Variants in CCDC61 observed in about 807,000 individuals in gnomAD.
The protein encoded by CCDC61 is coiled-coil domain containing 61.
Under a neutral mutation model 63.0 loss-of-function variants are expected in CCDC61, and 55 were observed. The ratio of observed to expected loss-of-function variants is 0.87; its 90% CI spans 0.70 to 1.09. The LOEUF is 1.09. CCDC61 is among the 50% of genes least tolerant of loss of function. The probability of loss-of-function intolerance (pLI) is 0.00; values close to 1 mark genes in which losing one functional copy is unlikely to be tolerated. For synonymous variants in CCDC61, 270 were observed against 317.0 expected (o/e 0.85, Z 1.58); for missense variants, 651 against 731.4 (o/e 0.89, Z 1.27).
Position 46,015,290 on chromosome 19 carries a change from A to G in CCDC61, c.762+31A>G, listed in dbSNP as rs946741836. On this transcript the variant is annotated intron_variant, in intron 6 of 13. Transcript: ENST00000595358. This position sits in a 1 kb window ranked among gnomAD's most constrained non-coding sequence, Gnocchi z 5.3. The stretch of plus-strand genomic sequence containing the variant: ...CAGCGGGGGCCCGGGGCGGCCAGCG[A>G]GGCGCGGACCTCGGCCTCAGCCTGG... 2 of 1,556,538 alleles carry G rather than the reference A, an allele frequency of 1.3e-6. No individual in the cohort carries two copies. Among genetic ancestry groups the G allele is most frequent in the African/African-American group, 1.4e-5 (1 of 72,256 alleles).
Position 46,018,487 on chromosome 19 carries a change from C to G in CCDC61, c.*100C>G. On this transcript the variant is annotated 3_prime_UTR_variant, in exon 14 of 14. Transcript: ENST00000595358. This position sits in a 1 kb window ranked among gnomAD's most constrained non-coding sequence, Gnocchi z 4.2. ...CCTCCAGCCCTGCCCAGTCCCTGCC[C>G]TGGCCCCGTCCCTCCTGCTGCCCCT... 1.1e-6 allele frequency: 1 copy of G among 905,930 alleles called. No homozygotes were observed. Among genetic ancestry groups the G allele is most frequent in the Non-Finnish European group, 1.7e-6 (1 of 586,218 alleles). 56.1% of individuals were successfully genotyped at this position (905,930 alleles called of 1,614,324 possible). A position where few individuals can be genotyped will look rare whatever the true frequency, so the allele number is the denominator to read the frequency against.
intron 12 of CCDC61, among the ~76,000 whole-genome samples, 164 bp downstream of exon 12, chr19:46,017,468 T>C (rs533322303): frequency 2.0e-5 from 3 of 151,156 alleles, no homozygotes; most frequent in African/African-American, 4.9e-5. Context: ...GGGGCAATTG[T>C]AGCTCACGGC....
chr19:46,018,063 C>G lies in CCDC61; in HGVS notation c.1369-15C>G. On this transcript the variant is annotated splice_polypyrimidine_tract_variant and intron_variant, in intron 12 of 13. Transcript: ENST00000595358. The surrounding 1 kb of genome is among the most constrained non-coding windows in gnomAD (Gnocchi z 4.2). ...GACGGTGGGTGACCCCCTTTCCTAC[C>G]TTCCCCATCACCAGAAGTCTCCCCC... 2 of 1,603,804 alleles carry G rather than the reference C, an allele frequency of 1.2e-6. No homozygotes were observed. The highest frequency in any genetic ancestry group is 1.7e-6 in the Non-Finnish European group (2 of 1,175,458).
At chr19:45,996,733 T>G (rs1395374106) in intron 1 of CCDC61, among the ~76,000 whole-genome samples, 2 of 152,176 alleles carry the variant, frequency 1.3e-5, no homozygotes, top group Non-Finnish European at 2.9e-5. Context: ...CCCTTTTGTC[T>G]TACTTATATA....
chr19:46,014,538 C>T (rs1968887166), intron 5 of CCDC61, among the ~76,000 whole-genome samples: 1 of 152,078 alleles, frequency 6.6e-6, no homozygotes, highest in South Asian at 2.1e-4. Flanking sequence ...TGGTTATTTC[C>T]ACTCTTTTGC....
rs760836365 is a variant in CCDC61, at chr19:46,006,605, A to T, written c.278A>T (p.Glu93Val). 1.2e-6 allele frequency: 2 copies of T among 1,613,372 alleles called. No homozygotes were observed. Among genetic ancestry groups the T allele is most frequent in the Non-Finnish European group, 1.7e-6 (2 of 1,179,638 alleles). ...TLDLLTYTDL[E>V]SLRNRKMGGR... is the part of the protein sequence containing the mutation. ...GACCTGCTGACCTACACAGACCTGGAGTCCCTGCGGAACCGCAAGATGGGG... is the reference window on the plus strand; with the variant it reads ...GACCTGCTGACCTACACAGACCTGGTGTCCCTGCGGAACCGCAAGATGGGG... The change falls in exon 4 of 14, where the codon GAG (glutamate) becomes GTG (valine). Residue 93 changes from glutamate to valine, a missense_variant. By Grantham distance (121) the Glu-to-Val change is moderately radical (BLOSUM62 -2). Transcript: ENST00000595358.
rs894072446 is a variant in CCDC61, at chr19:46,015,896, G to A, written c.846-158G>A. ...TTAGGGGTCCAATTGGGTGAGGTCT[G>A]GGGGGGAAGATATCGAGAGGGTCAT... On this transcript the variant is annotated intron_variant, in intron 7 of 13. Transcript: ENST00000595358. The surrounding 1 kb of genome is among the most constrained non-coding windows in gnomAD (Gnocchi z 5.3). Among the ~76,000 whole-genome samples the A allele has an allele frequency of 2.0e-5, 3 of 152,040 alleles. No individual in the cohort carries two copies. The highest frequency in any genetic ancestry group is 1.9e-4 in the East Asian group (1 of 5,158).
chr19:46,013,858 T>C (rs1201923255), intron 5 of CCDC61, among the ~76,000 whole-genome samples: 12 of 143,442 alleles, frequency 8.4e-5, no homozygotes, highest in African/African-American at 3.2e-4. Flanking sequence ...AGAGCAAGAC[T>C]CCGTCTCAGA....
chr19:46,013,885 T>C (rs1471032465), intron 5 of CCDC61, among the ~76,000 whole-genome samples: 1 of 151,734 alleles, frequency 6.6e-6, no homozygotes, highest in Non-Finnish European at 1.5e-5. Flanking sequence ...AAAAAAAAGA[T>C]TTCTTTGCAG....
At chr19:45,998,360 A>G (rs1191084486) in intron 1 of CCDC61, among the ~76,000 whole-genome samples, 1 of 152,216 alleles carries the variant, frequency 6.6e-6, no homozygotes, top group Admixed American at 6.5e-5. Context: ...CTGCATTTTC[A>G]TAAGCACTTG....
chr19:46,004,173 C>G (rs990771099), intron 3 of CCDC61, among the ~76,000 whole-genome samples: 3 of 152,064 alleles, frequency 2.0e-5, no homozygotes, highest in Admixed American at 2.0e-4. Flanking sequence ...CTCCGGACAT[C>G]AGGTGATCCA....
Position 46,018,307 on chromosome 19 carries a change from C to A in CCDC61, c.1459C>A (p.Gln487Lys). 1 of 1,570,570 alleles carries A rather than the reference C, an allele frequency of 6.4e-7. No homozygotes were observed. Among genetic ancestry groups the A allele is most frequent in the South Asian group, 1.2e-5 (1 of 85,352 alleles). The change falls in exon 14 of 14, where the codon CAG becomes AAG. Residue 487 changes from glutamine (Q) to lysine (K), a missense_variant. By Grantham distance (53) the Gln-to-Lys change is moderately conservative (BLOSUM62 1). Coordinates refer to ENST00000595358, the MANE Select transcript of CCDC61 (RefSeq NM_001267723.2). This position sits in a 1 kb window ranked among gnomAD's most constrained non-coding sequence, Gnocchi z 4.2. ...VPIKEYSSEHQAADMAEIDAR... is the reference protein window; with the variant it reads ...VPIKEYSSEHKAADMAEIDAR... Reference sequence around the variant, plus strand: ...TCTCACAGAGTACAGCTCGGAGCACCAGGCGGCTGACATGGCCGAAATAGA... The same window carrying A: ...TCTCACAGAGTACAGCTCGGAGCACAAGGCGGCTGACATGGCCGAAATAGA...
Position 46,006,694 on chromosome 19 carries a change from A to G in CCDC61, c.367A>G (p.Ile123Val). ...CAACTCCAAGCGCTACCTGATCCTC[A>G]TCTACTCCGTGGAGTTTGACAGGTG... The part of the protein sequence containing the change: ...QLNSKRYLIL[I>V]YSVEFDRIHY... Residue 123 changes from isoleucine (I) to valine (V), a missense_variant, in exon 4 of 14, where the codon ATC becomes GTC. Physicochemically the swap from Ile to Val is conservative, Grantham distance 29. Transcript: ENST00000595358. 1.2e-6 allele frequency: 2 copies of G among 1,609,770 alleles called. No homozygotes were observed. The highest frequency in any genetic ancestry group is 8.5e-7 in the Non-Finnish European group (1 of 1,176,660).
chr19:46,015,187 G>A lies in CCDC61; in HGVS notation c.690G>A (p.Leu230=). 4 of 1,278,024 alleles carry A rather than the reference G, an allele frequency of 3.1e-6. No individual in the cohort carries two copies. Among genetic ancestry groups the A allele is most frequent in the Non-Finnish European group, 3.9e-6 (4 of 1,016,840 alleles). 79.2% of individuals were successfully genotyped at this position (1,278,024 alleles called of 1,614,324 possible). The stretch of plus-strand genomic sequence containing the variant: ...TGGTGCGCGGGCTGGAGCTGGAGCT[G>A]CGGCAGGAGCGCGGCCTCGGGCACA... ...RGLVRGLELE[L]RQERGLGHRV... Residue 230 remains leucine, a synonymous_variant, in exon 6 of 14, where the codon CTG becomes CTA. Coordinates refer to ENST00000595358, the MANE Select transcript of CCDC61 (RefSeq NM_001267723.2). The surrounding 1 kb of genome is among the most constrained non-coding windows in gnomAD (Gnocchi z 5.3).
At chr19:46,014,816 C>T (rs1011796960) in intron 5 of CCDC61, among the ~76,000 whole-genome samples, 4 of 152,078 alleles carry the variant, frequency 2.6e-5, no homozygotes, top group African/African-American at 9.7e-5. Context: ...GTGTCCTGTG[C>T]GTGGTGGGGT....
Position 46,003,056 on chromosome 19 carries a change from TC to T in CCDC61, c.40del (p.Arg14GlyfsTer9). ...QPAGLQVDYV[F>X]RGVEHAVRVM... Reference sequence around the variant, plus strand: ...GCTGGCCTGCAGGTGGACTACGTCTTCCGGGGTGTGGAGCATGCCGTGCGGG... The same window carrying T: ...GCTGGCCTGCAGGTGGACTACGTCTTCGGGGTGTGGAGCATGCCGTGCGGG... On this transcript the variant is annotated frameshift_variant, in exon 2 of 14. Transcript: ENST00000595358. LOFTEE classifies it high-confidence loss of function. 1 of 1,594,378 alleles carries T rather than the reference TC, an allele frequency of 6.3e-7. No individual in the cohort carries two copies. Among genetic ancestry groups the T allele is most frequent in the Non-Finnish European group, 8.5e-7 (1 of 1,170,518 alleles).
At chr19:46,017,186 G>A (rs369391848) in intron 11 of CCDC61, 61 bp from the exon 12 acceptor site, 108 of 1,539,892 alleles carry the variant, frequency 7.0e-5, no homozygotes, top group Non-Finnish European at 9.2e-5. Flanking sequence ...CACAAAGGTC[G>A]GGGAGGTGGG....
At chr19:46,009,923 G>C (rs1968796138) in intron 5 of CCDC61, among the ~76,000 whole-genome samples, 1 of 152,128 alleles carries the variant, frequency 6.6e-6, no homozygotes, top group Admixed American at 6.5e-5. Flanking sequence ...ATGGCCACAA[G>C]GGGGCGCCCT....
chr19:46,016,276 C>G lies in CCDC61; in HGVS notation c.1016-42C>G. 2 of 1,609,586 alleles carry G rather than the reference C, an allele frequency of 1.2e-6. No homozygotes were observed. Among genetic ancestry groups the G allele is most frequent in the Non-Finnish European group, 1.7e-6 (2 of 1,177,734 alleles). ...GGGGACGCACTGGCGCTGCCAAGGCCCGTCTCCGGACCTAGCCGCCTCCTC... is the reference window on the plus strand; with the variant it reads ...GGGGACGCACTGGCGCTGCCAAGGCGCGTCTCCGGACCTAGCCGCCTCCTC... On this transcript the variant is annotated intron_variant, in intron 8 of 13. Transcript: ENST00000595358. The surrounding 1 kb of genome is among the most constrained non-coding windows in gnomAD (Gnocchi z 7.2).
Sources: allele counts gnomAD v4.1 joint callset (sites outside exome capture counted in the v4.1 genomes callset), GRCh38; gene constraint gnomAD v4.1.1; non-coding constraint Gnocchi (gnomAD v3.1); transcripts MANE v1.5; gene names NCBI Gene and HGNC (gene_info 2026-07-23, HGNC 2026-07-21).